The following MYO1D variants were observed in gnomAD, a reference collection of about 807,000 sequenced individuals.
The protein encoded by MYO1D is myosin ID.
A neutral mutation model predicts 122.0 loss-of-function variants in MYO1D; 83 were observed. The observed-to-expected ratio is 0.68, with a 90% CI of 0.57 to 0.82. The LOEUF (loss-of-function observed/expected upper bound fraction) is 0.82. Among genes scored for constraint, MYO1D ranks in the 40% least tolerant of loss-of-function variants. The pLI, the probability that MYO1D is intolerant of heterozygous loss-of-function variation, is 0.00. For synonymous variants in MYO1D, 464 were observed against 446.9 expected (o/e 1.04, Z -0.48); for missense variants, 1,157 against 1,269.5 (o/e 0.91, Z 1.35).
rs569621561 is a variant in MYO1D, at chr17:32,508,823, C to T, written c.2865-13908G>A. On this transcript the variant is annotated intron_variant, in intron 21 of 21. Coordinates refer to ENST00000318217, the MANE Select transcript of MYO1D (RefSeq NM_015194.3). ...CATAGTCCAAGTCTTAACCTCTATG[C>T]ATCCTGCCCCTAAAAAGCACATCAT... Among the ~76,000 whole-genome samples the T allele has an allele frequency of 2.0e-5, 3 of 152,340 alleles. No homozygotes were observed. The South Asian group carries it at 6.2e-4, about 32-fold the overall frequency.
At chr17:32,734,290 T>C (rs992618280) in intron 14 of MYO1D, among the ~76,000 whole-genome samples, 1 of 152,174 alleles carries the variant, frequency 6.6e-6, no homozygotes, top group Non-Finnish European at 1.5e-5. Flanking sequence ...CATTGGCATA[T>C]AGTTATCCAT....
intron 21 of MYO1D, chr17:32,510,154 G>A (rs914331626): frequency 2.6e-5 from 4 of 152,246 alleles, no homozygotes; most frequent in African/African-American, 7.2e-5. Flanking sequence ...CTGGCCCAGG[G>A]CAACTGTCTC....
At chr17:32,828,346 C>G (rs2090741114) in intron 1 of MYO1D, among the ~76,000 whole-genome samples, 1 of 151,860 alleles carries the variant, frequency 6.6e-6, no homozygotes, top group African/African-American at 2.4e-5. Flanking sequence ...GAAACCCCGT[C>G]TCTACTAAAA....
At chr17:32,675,626 G>GT (rs1270438445) in intron 16 of MYO1D, among the ~76,000 whole-genome samples, 1 of 151,932 alleles carries the variant, frequency 6.6e-6, no homozygotes, top group Non-Finnish European at 1.5e-5. Flanking sequence ...TATCTTCTTA[G>GT]TAATTTGTAA....
chr17:32,669,335 CTAAAA>C (rs2088678715), intron 16 of MYO1D, among the ~76,000 whole-genome samples: 1 of 152,192 alleles, frequency 6.6e-6, no homozygotes, highest in Non-Finnish European at 1.5e-5. Context: ...ATAGGTCTTA[CTAAAA>C]TAGCCTTTAT....
chr17:32,645,648 T>C (rs186356455), intron 19 of MYO1D, among the ~76,000 whole-genome samples: 237 of 152,310 alleles, frequency 1.6e-3, no homozygotes, highest in African/African-American at 5.4e-3. Flanking sequence ...TTCATTTCAT[T>C]CATTTGATCT....
intron 1 of MYO1D, among the ~76,000 whole-genome samples, chr17:32,787,711 C>T (rs574838089): frequency 1.3e-5 from 2 of 152,192 alleles, no homozygotes; most frequent in African/African-American, 2.4e-5. Flanking sequence ...GCCACGGTGC[C>T]AGGCCTGGTA....
chr17:32,757,026 C>T (rs1218766921), intron 10 of MYO1D, among the ~76,000 whole-genome samples: 1 of 152,132 alleles, frequency 6.6e-6, no homozygotes, highest in African/African-American at 2.4e-5. Flanking sequence ...TCCCATCTTA[C>T]GCAGGAGTTA....
Position 32,617,137 on chromosome 17 carries a change from G to A in MYO1D, c.2710-11896C>T, listed in dbSNP as rs9905498. 5.3e-3 allele frequency among the ~76,000 whole-genome samples: 800 copies of A among 152,208 alleles called. 11 individuals carry two copies. Among genetic ancestry groups the A allele is most frequent in the African/African-American group, 0.017 (716 of 41,532 alleles). On this transcript the variant is annotated intron_variant, in intron 20 of 21. Transcript: ENST00000318217. Reference sequence around the variant, plus strand: ...GGAGGTTGCATTGAGCTGAGATCACGCCACTGTACTCTAGCCTGGGCAATA... The same window carrying A: ...GGAGGTTGCATTGAGCTGAGATCACACCACTGTACTCTAGCCTGGGCAATA...
intron 1 of MYO1D, among the ~76,000 whole-genome samples, chr17:32,829,795 A>G (rs558881542): frequency 5.5e-4 from 83 of 152,196 alleles, no homozygotes; most frequent in Admixed American, 1.1e-3. Context: ...AGAGAGATAC[A>G]GAAACTAGAG....
intron 13 of MYO1D, among the ~76,000 whole-genome samples, chr17:32,738,831 T>C (rs2089740002): frequency 6.6e-6 from 1 of 152,038 alleles, no homozygotes; most frequent in Admixed American, 6.6e-5. Context: ...TATATATTAA[T>C]AGAACAGGTA....
chr17:32,560,111 C>G (rs1330249563), intron 21 of MYO1D, among the ~76,000 whole-genome samples: 2 of 152,052 alleles, frequency 1.3e-5, no homozygotes, highest in African/African-American at 4.8e-5. Context: ...CAAAATTAGC[C>G]AGGTGTGGTG....
chr17:32,677,062 G>A (rs528661659), intron 16 of MYO1D, among the ~76,000 whole-genome samples: 4 of 152,068 alleles, frequency 2.6e-5, no homozygotes, highest in African/African-American at 7.2e-5. Context: ...TGCCCGCTTC[G>A]GCCTCCCAAA....
At chr17:32,610,977 C>T (rs962178778) in intron 20 of MYO1D, among the ~76,000 whole-genome samples, 3 of 152,184 alleles carry the variant, frequency 2.0e-5, no homozygotes, top group Non-Finnish European at 4.4e-5. Context: ...CTAAGCCTTC[C>T]CCTTCTTTGG....
chr17:32,815,462 T>C (rs1174298507), intron 1 of MYO1D, among the ~76,000 whole-genome samples: 3 of 152,128 alleles, frequency 2.0e-5, no homozygotes, highest in Non-Finnish European at 4.4e-5. Flanking sequence ...TATGGAAAAA[T>C]ATCAATGATA....
At chr17:32,706,783 G>T (rs1199415524) in intron 16 of MYO1D, among the ~76,000 whole-genome samples, 1 of 151,952 alleles carries the variant, frequency 6.6e-6, no homozygotes, top group African/African-American at 2.4e-5. Context: ...TGCAAGCTCC[G>T]CCTCCCGGGT....
At chr17:32,622,225 T>C (rs1207267775) in intron 20 of MYO1D, among the ~76,000 whole-genome samples, 2 of 152,070 alleles carry the variant, frequency 1.3e-5, no homozygotes, top group African/African-American at 4.8e-5. Flanking sequence ...CATAAACAGG[T>C]CTTGAACCCA....
At chr17:32,819,428 T>C (rs2090641681) in intron 1 of MYO1D, among the ~76,000 whole-genome samples, 1 of 152,204 alleles carries the variant, frequency 6.6e-6, no homozygotes, top group Non-Finnish European at 1.5e-5. Flanking sequence ...TCCCTCTGCT[T>C]TGGTGGCAGT....
intron 1 of MYO1D, among the ~76,000 whole-genome samples, chr17:32,817,576 A>T (rs1486872333): frequency 6.6e-6 from 1 of 152,206 alleles, no homozygotes; most frequent in Non-Finnish European, 1.5e-5. Context: ...TACATTTATG[A>T]CTTGTTTTCA....
Sources: gnomAD v4.1 joint callset for allele counts (sites outside exome capture counted in the v4.1 genomes callset) on GRCh38, gnomAD v4.1.1 for gene constraint, MANE v1.5 for transcripts, NCBI Gene and HGNC (gene_info 2026-07-23, HGNC 2026-07-21) for gene names.